Variants in BTBD9 observed in about 807,000 individuals in gnomAD.
BTBD9 encodes the protein BTB domain containing 9.
BTBD9 carries 49 observed loss-of-function variants against 64.3 expected under a neutral mutation model. The observed-to-expected ratio is 0.76, with a 90% CI of 0.61 to 0.97. The LOEUF (loss-of-function observed/expected upper bound fraction) is 0.97, where lower values mean the gene tolerates loss of function less well. Among genes scored for constraint, BTBD9 ranks in the 50% least tolerant of loss-of-function variants. The pLI is 0.00. For synonymous variants in BTBD9, 260 were observed against 274.7 expected, an observed-to-expected ratio of 0.95 and a Z score of 0.53; for missense variants, 598 against 762.1, an observed-to-expected ratio of 0.78 and a Z score of 2.53.
At chr6:38,203,880 A>C (rs1762549561) in intron 9 of BTBD9, among the ~76,000 whole-genome samples, 1 of 152,116 alleles carries the variant, frequency 6.6e-6, no homozygotes, top group South Asian at 2.1e-4. Context: ...TGTATTGTAT[A>C]TTTCAAAGTA....
At chr6:38,609,966 C>T (rs975100864) in intron 1 of BTBD9, among the ~76,000 whole-genome samples, 3 of 152,174 alleles carry the variant, frequency 2.0e-5, no homozygotes, top group African/African-American at 4.8e-5. Flanking sequence ...CAGAAGCTTA[C>T]AATGCAGGTA....
At chr6:38,384,322 T>C (rs1333221141) in intron 6 of BTBD9, among the ~76,000 whole-genome samples, 1 of 152,190 alleles carries the variant, frequency 6.6e-6, no homozygotes, top group Non-Finnish European at 1.5e-5. Flanking sequence ...TAGGCCTAAT[T>C]TGTGTATCTT....
intron 6 of BTBD9, among the ~76,000 whole-genome samples, chr6:38,437,776 T>C (rs897496980): frequency 6.6e-6 from 1 of 152,146 alleles, no homozygotes; most frequent in Non-Finnish European, 1.5e-5. Context: ...AAAATACAAT[T>C]TTTAAGCAGG....
intron 6 of BTBD9, among the ~76,000 whole-genome samples, chr6:38,431,842 T>G (rs1395241988): frequency 6.6e-6 from 1 of 152,008 alleles, no homozygotes; most frequent in East Asian, 1.9e-4. Flanking sequence ...GTTTAAAATC[T>G]AATGGCATCC....
At chr6:38,420,189 A>G (rs1027999400) in intron 6 of BTBD9, among the ~76,000 whole-genome samples, 16 of 152,226 alleles carry the variant, frequency 1.1e-4, no homozygotes, top group Admixed American at 6.5e-5. Flanking sequence ...AATGAACACT[A>G]TTCTGCATCA....
chr6:38,202,375 C>A (rs181411384), intron 9 of BTBD9, among the ~76,000 whole-genome samples: 61 of 151,396 alleles, frequency 4.0e-4, no homozygotes, highest in Admixed American at 1.4e-3. Context: ...GCCACTGCAC[C>A]CAGCCCAAAA....
chr6:38,544,596 G>A (rs115690071), intron 6 of BTBD9, among the ~76,000 whole-genome samples: 1 of 152,200 alleles, frequency 6.6e-6, no homozygotes, highest in African/African-American at 2.4e-5. Flanking sequence ...AGCTCATCTG[G>A]TGTGGAACAG....
intron 6 of BTBD9, among the ~76,000 whole-genome samples, chr6:38,345,983 C>A (rs1270048844): frequency 2.6e-5 from 4 of 152,146 alleles, no homozygotes; most frequent in Non-Finnish European, 4.4e-5. Flanking sequence ...TGCCACACAC[C>A]GTCTTACTGG....
chr6:38,527,863 T>C (rs1394559212), intron 6 of BTBD9, among the ~76,000 whole-genome samples: 1 of 151,340 alleles, frequency 6.6e-6, no homozygotes, highest in East Asian at 1.9e-4. Context: ...GAAGGCAGAA[T>C]AAGACAGCCG....
chr6:38,598,580 TAAG>T (rs919806477), intron 1 of BTBD9, among the ~76,000 whole-genome samples: 4 of 152,168 alleles, frequency 2.6e-5, no homozygotes, highest in Non-Finnish European at 4.4e-5. Context: ...AGATTTCAAA[TAAG>T]AAGTTTTGGT....
chr6:38,187,487 A>G (rs774684306), intron 10 of BTBD9, among the ~76,000 whole-genome samples: 2 of 152,194 alleles, frequency 1.3e-5, no homozygotes, highest in Non-Finnish European at 2.9e-5. Flanking sequence ...TCTGCCATCT[A>G]GTGCTGAGCA....
At chr6:38,477,441 T>G (rs1298297697) in intron 6 of BTBD9, among the ~76,000 whole-genome samples, 1 of 152,242 alleles carries the variant, frequency 6.6e-6, no homozygotes, top group East Asian at 1.9e-4. Flanking sequence ...GAATCATGCT[T>G]ACAATAAGAT....
At chr6:38,394,312 G>C (rs940117257) in intron 6 of BTBD9, among the ~76,000 whole-genome samples, 4 of 152,148 alleles carry the variant, frequency 2.6e-5, no homozygotes, top group African/African-American at 9.7e-5. Context: ...GTGATAGGGT[G>C]GGGGCTGTCC....
At chr6:38,192,154 G>A (rs938012869) in intron 10 of BTBD9, among the ~76,000 whole-genome samples, 1 of 152,206 alleles carries the variant, frequency 6.6e-6, no homozygotes, top group Non-Finnish European at 1.5e-5. Flanking sequence ...CAGCACGGCC[G>A]CCTGCTAGAC....
chr6:38,318,924 C>G (rs1269592364), intron 7 of BTBD9, among the ~76,000 whole-genome samples: 2 of 152,210 alleles, frequency 1.3e-5, no homozygotes, highest in Non-Finnish European at 2.9e-5. Context: ...GAATCAGAAA[C>G]CTTAGAAATC....
chr6:38,424,996 T>C (rs12215127), intron 6 of BTBD9, among the ~76,000 whole-genome samples: 3,823 of 151,358 alleles, frequency 0.025, 89 homozygotes, highest in Middle Eastern at 0.038. Flanking sequence ...GCCACCCAGC[T>C]AATTTTGTAT....
At chr6:38,467,982 A>G (rs558073213) in intron 6 of BTBD9, among the ~76,000 whole-genome samples, 18 of 152,328 alleles carry the variant, frequency 1.2e-4, no homozygotes, top group Middle Eastern at 6.8e-3. Context: ...ACATGTTTAA[A>G]GTGGCTCTAC....
intron 1 of BTBD9, among the ~76,000 whole-genome samples, chr6:38,618,892 G>A (rs114671949): frequency 1.5e-3 from 226 of 152,276 alleles, no homozygotes; most frequent in African/African-American, 4.7e-3. Flanking sequence ...AATGATAGCC[G>A]GAGAAAGGGA....
At chr6:38,367,799 CAAAAAAAAAAAAAAAAAAAAAA>C (rs575025737) in intron 6 of BTBD9, among the ~76,000 whole-genome samples, 46 of 84,338 alleles carry the variant, frequency 5.5e-4, no homozygotes, top group South Asian at 5.3e-4. Flanking sequence ...CCAGAAATGG[CAAAAAAAAAAAAAAAAAAAAAA>C]AAAAAAAAAA....
Sources: gnomAD v4.1 joint callset for allele counts (sites outside exome capture counted in the v4.1 genomes callset) on GRCh38, gnomAD v4.1.1 for gene constraint, MANE v1.5 for transcripts, NCBI Gene and HGNC (gene_info 2026-07-23, HGNC 2026-07-21) for gene names.